RND1: variants seen among roughly 807,000 people sequenced by gnomAD.
RND1 encodes the protein rho-related GTP-binding protein Rho6.
Under a neutral mutation model 27.1 loss-of-function variants are expected in RND1, and 9 were observed. The ratio of observed to expected loss-of-function variants is 0.33; its 90% CI spans 0.20 to 0.58. The LOEUF (loss-of-function observed/expected upper bound fraction) is 0.58, where lower values mean the gene tolerates loss of function less well. RND1 is among the 20% of genes least tolerant of loss of function. RND1 has a pLI of 0.86. For synonymous variants in RND1, 108 were observed against 115.7 expected, an observed-to-expected ratio of 0.93 and a Z score of 0.43; for missense variants, 253 against 292.2, an observed-to-expected ratio of 0.87 and a Z score of 0.98.
rs1938971561 is a variant in RND1, at chr12:48,865,250, C to G, written c.121-380G>C. Reference sequence around the variant, plus strand: ...CCCGGCCAGGTGAACAGAGGGGCTGCAGAAGCCTGCCTGAAGGCACAGGCA... The same window carrying G: ...CCCGGCCAGGTGAACAGAGGGGCTGGAGAAGCCTGCCTGAAGGCACAGGCA... On this transcript the variant is annotated intron_variant, in intron 1 of 4. Transcript: ENST00000309739. The G allele has an allele frequency of 8.0e-6, 3 of 375,298 alleles. No homozygotes were observed. In the East Asian group the frequency reaches 1.8e-4, roughly 22 times the overall value. The allele number at this position is 375,298 out of a possible 1,614,324, so 23.2% of individuals were successfully genotyped here.
intron 1 of RND1, 93 bp downstream of exon 1, chr12:48,865,555 C>T (rs762446818): frequency 4.4e-5 from 64 of 1,438,270 alleles, no homozygotes; most frequent in Non-Finnish European, 4.7e-6. Flanking sequence ...TGGGCTGGGG[C>T]TGGGGGAGCC....
At position 48,865,851 on chromosome 12, in the gene RND1, T is replaced by C; in HGVS notation, c.-84A>G. Reference sequence around the variant, plus strand: ...GTCTCAGCACGCCAATCAAGCCAGATTCCCTGCCTCCCTCCAACTGAGGAG... The same window carrying C: ...GTCTCAGCACGCCAATCAAGCCAGACTCCCTGCCTCCCTCCAACTGAGGAG... On this transcript the variant is annotated 5_prime_UTR_variant, in exon 1 of 5. Coordinates refer to ENST00000309739, the MANE Select transcript of RND1 (RefSeq NM_014470.4). 6.6e-7 allele frequency: 1 copy of C among 1,505,860 alleles called. No individual in the cohort carries two copies. Among genetic ancestry groups the C allele is most frequent in the Non-Finnish European group, 8.9e-7 (1 of 1,125,822 alleles). The allele number at this position is 1,505,860 out of a possible 1,614,324, so 93.3% of individuals were successfully genotyped here.
In RND1 at chr12:48,861,941, T is replaced by A. The variant is rs923450974; in HGVS notation, c.318+68A>T. On this transcript the variant is annotated intron_variant, in intron 3 of 4. Transcript: ENST00000309739. ...TTGATGTTATACAAGAGGGCATTCATGACAAGGTCCCGATTCCTTCTTGGT... is the reference window on the plus strand; with the variant it reads ...TTGATGTTATACAAGAGGGCATTCAAGACAAGGTCCCGATTCCTTCTTGGT... 3.6e-5 allele frequency: 33 copies of A among 925,784 alleles called. No individual in the cohort carries two copies. The African/African-American group carries it at 4.8e-4, about 14-fold the overall frequency. The allele number at this position is 925,784 out of a possible 1,614,324, so 57.3% of individuals were successfully genotyped here.
intron 2 of RND1, among the ~76,000 whole-genome samples, chr12:48,862,732 C>G (rs2137509144): frequency 6.6e-6 from 1 of 152,306 alleles, no homozygotes; most frequent in Admixed American, 6.5e-5. Context: ...GTCTCAAAGA[C>G]AGCAGCACCG....
Position 48,865,866 on chromosome 12 carries a change from C to T in RND1, c.-99G>A, listed in dbSNP as rs1938981671. Reference sequence around the variant, plus strand: ...TCAAGCCAGATTCCCTGCCTCCCTCCAACTGAGGAGGAGGCCGGCACAGCC... The same window carrying T: ...TCAAGCCAGATTCCCTGCCTCCCTCTAACTGAGGAGGAGGCCGGCACAGCC... On this transcript the variant is annotated 5_prime_UTR_variant, in exon 1 of 5. Coordinates refer to ENST00000309739, the MANE Select transcript of RND1 (RefSeq NM_014470.4). The T allele has an allele frequency of 8.8e-6, 13 of 1,482,418 alleles. No homozygotes were observed. Among genetic ancestry groups the T allele is most frequent in the Non-Finnish European group, 1.1e-5 (12 of 1,117,412 alleles). 91.8% of individuals were successfully genotyped at this position (1,482,418 alleles called of 1,614,324 possible).
Position 48,857,793 on chromosome 12 carries a change from G to A in RND1, c.*203C>T, listed in dbSNP as rs559268785. On this transcript the variant is annotated 3_prime_UTR_variant, in exon 5 of 5. Transcript: ENST00000309739. ...TCCAAAATCTAGTGCCTGGCTTGGG[G>A]TATGATGGTTCTCTCTCAGCGTCAG... 27 of 521,778 alleles carry A rather than the reference G, an allele frequency of 5.2e-5. No individual in the cohort carries two copies. Among genetic ancestry groups the A allele is most frequent in the African/African-American group, 3.7e-4 (19 of 51,024 alleles). 32.3% of individuals were successfully genotyped at this position (521,778 alleles called of 1,614,324 possible).
chr12:48,861,966 TC>T, intron 3 of RND1, 42 bp downstream of exon 3: 2 of 1,127,516 alleles, frequency 1.8e-6, no homozygotes, highest in Admixed American at 3.4e-5. Context: ...TCCTTCTTGG[TC>T]CTCATGCTGA....
At chr12:48,864,319 A>T (rs1365870132) in intron 2 of RND1, among the ~76,000 whole-genome samples, 1 of 151,616 alleles carries the variant, frequency 6.6e-6, no homozygotes, top group Non-Finnish European at 1.5e-5. Context: ...TCTCCGCCCC[A>T]ACCACGCTGC....
chr12:48,863,028 C>T (rs962325894), intron 2 of RND1, among the ~76,000 whole-genome samples: 1 of 152,116 alleles, frequency 6.6e-6, no homozygotes, highest in East Asian at 1.9e-4. Flanking sequence ...TAGCTGCCTG[C>T]TCCTTCAGCA....
intron 4 of RND1, 148 bp from the exon 5 acceptor site, chr12:48,858,389 CTTTTT>C (rs566310279): frequency 1.4e-3 from 740 of 539,300 alleles, no homozygotes; most frequent in South Asian, 2.6e-3. Context: ...ATTATCTTTT[CTTTTT>C]TTTTTTTTTT....
rs530435571 is a variant in RND1 at position 48,858,377 on chromosome 12, C to T, written c.454-136G>A. The T allele has an allele frequency of 1.0e-4, 80 of 779,726 alleles. 2 individuals are homozygous for T. Among genetic ancestry groups the T allele is most frequent in the South Asian group, 8.2e-4 (35 of 42,778 alleles). 48.3% of individuals were successfully genotyped at this position (779,726 alleles called of 1,614,324 possible). Reference sequence around the variant, plus strand: ...CAAACACCACCCTCTGCAGATTATTCGATTATCTTTTCTTTTTTTTTTTTT... The same window carrying T: ...CAAACACCACCCTCTGCAGATTATTTGATTATCTTTTCTTTTTTTTTTTTT... On this transcript the variant is annotated intron_variant, in intron 4 of 4. Coordinates refer to ENST00000309739, the MANE Select transcript of RND1 (RefSeq NM_014470.4).
chr12:48,864,958 G>C (rs1938968345), intron 1 of RND1, 88 bp from the exon 2 acceptor site: 1 of 979,162 alleles, frequency 1.0e-6, no homozygotes. Flanking sequence ...TCACCAGAGA[G>C]ACAGTAAAGT....
chr12:48,865,556 T>C, intron 1 of RND1, 92 bp downstream of exon 1: 1 of 1,443,708 alleles, frequency 6.9e-7, no homozygotes, highest in African/African-American at 1.4e-5. Flanking sequence ...GGGCTGGGGC[T>C]GGGGGAGCCA....
chr12:48,861,056 C>A lies in RND1; in HGVS notation c.394G>T (p.Asp132Tyr). Residue 132 changes from aspartate to tyrosine, a missense_variant, in exon 4 of 5, where the codon GAC becomes TAC. Asp to Tyr is a radical substitution (Grantham distance 160). Transcript: ENST00000309739. ...GACAGCTCCATCAGAGTACTCAGGT[C>A]TGTTCGCAGGTCTGTCTTGCAGCCA... ...LIGCKTDLRTDLSTLMELSHQ... is the reference protein window; with the variant it reads ...LIGCKTDLRTYLSTLMELSHQ... The A allele has an allele frequency of 6.2e-7, 1 of 1,614,118 alleles. No individual in the cohort carries two copies. The highest frequency in any genetic ancestry group is 8.5e-7 in the Non-Finnish European group (1 of 1,180,044).
intron 2 of RND1, among the ~76,000 whole-genome samples, chr12:48,863,079 C>A (rs1171623996): frequency 6.6e-6 from 1 of 152,090 alleles, no homozygotes; most frequent in Non-Finnish European, 1.5e-5. Flanking sequence ...CTTACCACTG[C>A]AGCACTGAGG....
In RND1 at chr12:48,862,004, C is replaced by A; in HGVS notation, c.318+5G>T. On this transcript the variant is annotated splice_donor_5th_base_variant and intron_variant, in intron 3 of 4. Coordinates refer to ENST00000309739, the MANE Select transcript of RND1 (RefSeq NM_014470.4). The stretch of plus-strand genomic sequence containing the variant: ...TTAGAGATTAGAGAGTTGATCTAGT[C>A]TTACCTTCTTGAGTGCGCTGTCCAC... 1.3e-6 allele frequency: 2 copies of A among 1,528,544 alleles called. No homozygotes were observed. The highest frequency in any genetic ancestry group is 1.8e-6 in the Non-Finnish European group (2 of 1,102,108). 94.7% of individuals were successfully genotyped at this position (1,528,544 alleles called of 1,614,324 possible). A position where few individuals can be genotyped will look rare whatever the true frequency, so the allele number is the denominator to read the frequency against.
chr12:48,858,913 A>T (rs1938879870), intron 4 of RND1: 1 of 147,766 alleles, frequency 6.8e-6, no homozygotes, highest in Non-Finnish European at 1.5e-5. Context: ...GGAAAAAAAA[A>T]TTCTGGGTAT....
In RND1 at chr12:48,864,416, T is replaced by TGTGTGCGCGCGC. The variant is rs141121524; in HGVS notation, c.208+366_208+367insGCGCGCGCACAC. On this transcript the variant is annotated intron_variant, in intron 2 of 4. Transcript: ENST00000309739. ...GTGTGTGTGTGTGTGTGTGTGTGTG[T>TGTGTGCGCGCGC]GCGCGCGCGCGCGTGTGTGTGCATG... Among the ~76,000 whole-genome samples the TGTGTGCGCGCGC allele has an allele frequency of 2.0e-3, 274 of 135,526 alleles. 3 individuals are homozygous for TGTGTGCGCGCGC. The highest frequency in any genetic ancestry group is 5.3e-3 in the South Asian group (23 of 4,346). The allele number at this position is 135,526 out of a possible 152,430, so 88.9% of individuals were successfully genotyped here. A position where few individuals can be genotyped will look rare whatever the true frequency, so the allele number is the denominator to read the frequency against.
chr12:48,864,144 C>A (rs556751964), intron 2 of RND1, among the ~76,000 whole-genome samples: 1 of 152,250 alleles, frequency 6.6e-6, no homozygotes, highest in African/African-American at 2.4e-5. Flanking sequence ...CTATATTAAG[C>A]CATCTCCCCC....
Sources: allele counts gnomAD v4.1 joint callset (sites outside exome capture counted in the v4.1 genomes callset), GRCh38; gene constraint gnomAD v4.1.1; transcripts MANE v1.5; gene names NCBI Gene and HGNC (gene_info 2026-07-23, HGNC 2026-07-21).